Variants in CHSY3 observed in about 807,000 individuals in gnomAD.
The protein encoded by CHSY3 is N-acetylgalactosaminyl-proteoglycan 3-beta-glucuronosyltransferase 3.
Under a neutral mutation model 67.2 loss-of-function variants are expected in CHSY3, and 35 were observed. The observed-to-expected ratio is 0.52, with a 90% CI of 0.40 to 0.69. The LOEUF (loss-of-function observed/expected upper bound fraction) is 0.69, where lower values mean the gene tolerates loss of function less well. Ranked by LOEUF, CHSY3 falls within the 30% of genes least tolerant of loss-of-function variation. CHSY3 has a pLI of 0.00. For synonymous variants in CHSY3, 474 were observed against 434.7 expected (o/e 1.09, Z -1.12); for missense variants, 1,069 against 1,138.5 (o/e 0.94, Z 0.88).
chr5:129,938,269 G>A (rs578099992), intron 2 of CHSY3, among the ~76,000 whole-genome samples: 145 of 152,332 alleles, frequency 9.5e-4, no homozygotes, highest in African/African-American at 3.3e-3. Context: ...CCATTCTTCC[G>A]CCCTGGGCCT....
At chr5:130,173,951 T>G (rs550469933) in intron 2 of CHSY3, among the ~76,000 whole-genome samples, 2 of 152,136 alleles carry the variant, frequency 1.3e-5, no homozygotes, top group East Asian at 3.9e-4. Flanking sequence ...GAAAATTCAC[T>G]ATTTTACTTA....
rs1454338101 is a variant in CHSY3, at chr5:130,184,210, T to C, written c.1087-19T>C. On this transcript the variant is annotated intron_variant, in intron 2 of 2. Coordinates refer to ENST00000305031, the MANE Select transcript of CHSY3 (RefSeq NM_175856.5). ...AATCTTTTAAAATTAACCCTGATTT[T>C]TTTAATTTTACTTTTCAGATGCAAC... The C allele has an allele frequency of 2.1e-6, 3 of 1,454,548 alleles. No individual in the cohort carries two copies. Among genetic ancestry groups the C allele is most frequent in the Non-Finnish European group, 1.8e-6 (2 of 1,101,044 alleles). The allele number at this position is 1,454,548 out of a possible 1,614,324, so 90.1% of individuals were successfully genotyped here.
intron 2 of CHSY3, among the ~76,000 whole-genome samples, chr5:130,104,505 A>G (rs1767353229): frequency 6.6e-6 from 1 of 151,806 alleles, no homozygotes; most frequent in Admixed American, 6.6e-5. Flanking sequence ...GAGATTACCT[A>G]TTTTTAGGAG....
At chr5:129,981,691 A>G (rs943353706) in intron 2 of CHSY3, among the ~76,000 whole-genome samples, 1 of 151,916 alleles carries the variant, frequency 6.6e-6, no homozygotes, top group African/African-American at 2.4e-5. Context: ...CCAAATCTGT[A>G]TACTTTTTAT....
intron 2 of CHSY3, among the ~76,000 whole-genome samples, chr5:130,160,911 T>TTA (rs1229565664): frequency 2.8e-5 from 4 of 142,872 alleles, no homozygotes; most frequent in African/African-American, 1.1e-4. Flanking sequence ...TTTTTTTTAT[T>TTA]TTTTTTTTTT....
chr5:129,988,662 A>G lies in CHSY3; in HGVS notation c.1086+80302A>G, dbSNP rs904425349. On this transcript the variant is annotated intron_variant, in intron 2 of 2. Transcript: ENST00000305031. ...TGAATATATTGTGCAATAGTATTCTATTAGAGCTGTCACTTATGTGAGTCA... is the reference window on the plus strand; with the variant it reads ...TGAATATATTGTGCAATAGTATTCTGTTAGAGCTGTCACTTATGTGAGTCA... Among the ~76,000 whole-genome samples the G allele has an allele frequency of 4.6e-5, 7 of 152,366 alleles. No homozygotes were observed. The South Asian group carries it at 1.4e-3, about 32-fold the overall frequency.
chr5:129,983,738 A>G (rs981004239), intron 2 of CHSY3, among the ~76,000 whole-genome samples: 3 of 152,122 alleles, frequency 2.0e-5, no homozygotes, highest in Admixed American at 6.5e-5. Flanking sequence ...AGATCAATGT[A>G]TGCATAAAAT....
At chr5:130,152,120 G>A (rs1309943062) in intron 2 of CHSY3, among the ~76,000 whole-genome samples, 1 of 152,154 alleles carries the variant, frequency 6.6e-6, no homozygotes, top group Non-Finnish European at 1.5e-5. Context: ...TTAAGAAAAA[G>A]TCTGAAAATC....
intron 2 of CHSY3, among the ~76,000 whole-genome samples, chr5:129,909,884 G>T (rs1371569831): frequency 6.6e-6 from 1 of 151,722 alleles, no homozygotes; most frequent in East Asian, 1.9e-4. Flanking sequence ...AATATAGATG[G>T]GAAATTATTG....
intron 2 of CHSY3, among the ~76,000 whole-genome samples, chr5:129,916,409 G>T (rs192588981): frequency 6.6e-6 from 1 of 152,054 alleles, no homozygotes; most frequent in Non-Finnish European, 1.5e-5. Context: ...AAACAGCTTG[G>T]GTTAGAAATG....
chr5:129,928,690 C>T (rs924953020), intron 2 of CHSY3, among the ~76,000 whole-genome samples: 1 of 151,904 alleles, frequency 6.6e-6, no homozygotes, highest in Non-Finnish European at 1.5e-5. Context: ...TTTTATTATG[C>T]TGCTGATGAA....
chr5:130,055,327 A>G (rs1035832851), intron 2 of CHSY3, among the ~76,000 whole-genome samples: 1 of 151,724 alleles, frequency 6.6e-6, no homozygotes, highest in Admixed American at 6.6e-5. Context: ...GGAGGTCTAC[A>G]AAAGTGTTAT....
At chr5:129,977,066 C>T (rs962440001) in intron 2 of CHSY3, among the ~76,000 whole-genome samples, 13 of 151,944 alleles carry the variant, frequency 8.6e-5, no homozygotes, top group South Asian at 2.1e-4. Context: ...TTTTATACCT[C>T]GAATCTGAAA....
intron 2 of CHSY3, among the ~76,000 whole-genome samples, chr5:130,103,022 T>G (rs1422734868): frequency 6.6e-6 from 1 of 151,618 alleles, no homozygotes; most frequent in South Asian, 2.1e-4. Context: ...CATGCCCAGC[T>G]AAAAAGAAAA....
chr5:130,051,510 C>G (rs1041836826), intron 2 of CHSY3, among the ~76,000 whole-genome samples: 7 of 151,894 alleles, frequency 4.6e-5, no homozygotes, highest in Non-Finnish European at 8.8e-5. Context: ...AAAACTCATA[C>G]CACATGGTAT....
chr5:130,158,484 G>A (rs1326271139), intron 2 of CHSY3, among the ~76,000 whole-genome samples: 1 of 152,090 alleles, frequency 6.6e-6, no homozygotes, highest in Admixed American at 6.5e-5. Context: ...AGTGGTACCC[G>A]GCAAATACTT....
chr5:130,131,364 A>G (rs576454269), intron 2 of CHSY3, among the ~76,000 whole-genome samples: 9 of 152,072 alleles, frequency 5.9e-5, no homozygotes, highest in Non-Finnish European at 1.0e-4. Context: ...TGCTGTTTCC[A>G]CTCAACTTTC....
At chr5:129,989,199 A>G (rs1158078169) in intron 2 of CHSY3, among the ~76,000 whole-genome samples, 1 of 151,698 alleles carries the variant, frequency 6.6e-6, no homozygotes, top group African/African-American at 2.4e-5. Flanking sequence ...GCCTTCTAAC[A>G]GGGTCATCCC....
intron 2 of CHSY3, among the ~76,000 whole-genome samples, chr5:130,075,960 TA>T (rs1178425458): frequency 3.9e-5 from 6 of 152,170 alleles, no homozygotes; most frequent in African/African-American, 1.4e-4. Context: ...TATCAAGGCT[TA>T]AAATCTCGGT....
Sources: gnomAD v4.1 joint callset for allele counts (sites outside exome capture counted in the v4.1 genomes callset) on GRCh38, gnomAD v4.1.1 for gene constraint, MANE v1.5 for transcripts, NCBI Gene and HGNC (gene_info 2026-07-23, HGNC 2026-07-21) for gene names.